Variants in PTPRC observed in about 807,000 individuals in gnomAD.
PTPRC encodes protein tyrosine phosphatase receptor type C.
PTPRC carries 44 observed loss-of-function variants against 155.9 expected under a neutral mutation model. That is an observed-to-expected ratio of 0.28 (90% CI 0.22 to 0.36). The LOEUF (loss-of-function observed/expected upper bound fraction) is 0.36. Among genes scored for constraint, PTPRC ranks in the 10% least tolerant of loss-of-function variants. PTPRC has a pLI of 1.00. For synonymous variants in PTPRC, 525 were observed against 533.1 expected (o/e 0.98, Z 0.21); for missense variants, 1,401 against 1,564.6 (o/e 0.90, Z 1.76).
At position 198,699,451 on chromosome 1, in the gene PTPRC, T is replaced by A. The variant is rs1666357218; in HGVS notation, c.299-113T>A. ...GACAGACACATTTTAACAGATTCAG[T>A]TACTTCACAGTTTGGTAAACTATAA... On this transcript the variant is annotated intron_variant, in intron 4 of 32. Coordinates refer to ENST00000442510, the MANE Select transcript of PTPRC (RefSeq NM_002838.5). 3.9e-6 allele frequency: 5 copies of A among 1,266,302 alleles called. No individual in the cohort carries two copies. In the South Asian group the frequency reaches 6.1e-5, roughly 15 times the overall value. 78.4% of individuals were successfully genotyped at this position (1,266,302 alleles called of 1,614,324 possible).
chr1:198,753,043 A>G (rs558522071), intron 31 of PTPRC, among the ~76,000 whole-genome samples: 5 of 152,162 alleles, frequency 3.3e-5, no homozygotes, highest in Non-Finnish European at 5.9e-5. Flanking sequence ...ACATTGAGCC[A>G]GGAATGTCAT....
intron 2 of PTPRC, among the ~76,000 whole-genome samples, chr1:198,648,890 A>G (rs781082382): frequency 6.6e-6 from 1 of 151,848 alleles, no homozygotes; most frequent in Non-Finnish European, 1.5e-5. Flanking sequence ...AGTGAAAAAC[A>G]TTAAATAATT....
At chr1:198,673,800 G>A (rs1443356343) in intron 2 of PTPRC, among the ~76,000 whole-genome samples, 1 of 152,102 alleles carries the variant, frequency 6.6e-6, no homozygotes, top group Non-Finnish European at 1.5e-5. Context: ...GGTAGAATAA[G>A]CCTTTTGGTT....
rs1655541912 is a variant in PTPRC at position 198,754,587 on chromosome 1, A to C, written c.3645+183A>C. 3 of 722,430 alleles carry C rather than the reference A, an allele frequency of 4.2e-6. No individual in the cohort carries two copies. The South Asian group carries it at 5.8e-5, about 14-fold the overall frequency. The allele number at this position is 722,430 out of a possible 1,614,324, so 44.8% of individuals were successfully genotyped here. On this transcript the variant is annotated intron_variant, in intron 32 of 32. Coordinates refer to ENST00000442510, the MANE Select transcript of PTPRC (RefSeq NM_002838.5). ...TACTTTTACATGATAATTCACATTA[A>C]ATTATTATAAGTCTAAATAAGAGCC...
At chr1:198,674,175 A>G (rs536620769) in intron 2 of PTPRC, among the ~76,000 whole-genome samples, 275 of 152,266 alleles carry the variant, frequency 1.8e-3, no homozygotes, top group Non-Finnish European at 3.3e-3. Context: ...GCTTAGAGGT[A>G]GTGCCTCCTT....
At chr1:198,655,932 AC>A (rs769278359) in intron 2 of PTPRC, among the ~76,000 whole-genome samples, 73 of 152,058 alleles carry the variant, frequency 4.8e-4, no homozygotes, top group South Asian at 1.2e-3. Context: ...GCTATTCTAG[AC>A]CAGTTGGTTA....
At chr1:198,752,843 T>A in intron 31 of PTPRC, 71 bp downstream of exon 31, 2 of 1,516,356 alleles carry the variant, frequency 1.3e-6, no homozygotes, top group East Asian at 4.5e-5. Flanking sequence ...TGTTGTCTTA[T>A]CTAGTTATCC....
chr1:198,666,835 A>G (rs373841252), intron 2 of PTPRC, among the ~76,000 whole-genome samples: 1 of 152,214 alleles, frequency 6.6e-6, no homozygotes, highest in Non-Finnish European at 1.5e-5. Context: ...TACCTCAGTC[A>G]TGACCTTGTA....
chr1:198,731,173 A>G (rs1654369777), intron 17 of PTPRC, among the ~76,000 whole-genome samples: 1 of 152,120 alleles, frequency 6.6e-6, no homozygotes, highest in Admixed American at 6.6e-5. Flanking sequence ...AAGCTGAGTC[A>G]TGGGTATAAG....
intron 27 of PTPRC, among the ~76,000 whole-genome samples, chr1:198,749,199 T>G (rs1397442021): frequency 2.0e-5 from 3 of 151,804 alleles, no homozygotes; most frequent in Non-Finnish European, 4.4e-5. Context: ...TGGAATTATG[T>G]TCCATGTTTT....
At chr1:198,651,109 G>C (rs962579089) in intron 2 of PTPRC, among the ~76,000 whole-genome samples, 3 of 151,554 alleles carry the variant, frequency 2.0e-5, no homozygotes, top group Admixed American at 6.6e-5. Context: ...AAAAGAAAGA[G>C]GTACATCTTA....
intron 8 of PTPRC, among the ~76,000 whole-genome samples, chr1:198,705,432 C>CTT (rs905823899): frequency 3.4e-4 from 47 of 139,402 alleles, no homozygotes; most frequent in African/African-American, 8.9e-4. Context: ...TTCTTTCTTT[C>CTT]TTTTTTTTTT....
At chr1:198,655,739 C>T (rs1663529030) in intron 2 of PTPRC, among the ~76,000 whole-genome samples, 1 of 152,016 alleles carries the variant, frequency 6.6e-6, no homozygotes, top group Non-Finnish European at 1.5e-5. Context: ...AGCAACATTC[C>T]TGCCTCTGTA....
chr1:198,741,781 C>T (rs1399764059), intron 23 of PTPRC, 88 bp from the exon 24 acceptor site: 5 of 1,333,506 alleles, frequency 3.7e-6, no homozygotes, highest in Non-Finnish European at 5.3e-6. Context: ...CACGAGGAGA[C>T]TTTGTACTGG....
intron 23 of PTPRC, among the ~76,000 whole-genome samples, chr1:198,737,482 A>G (rs1346976250): frequency 6.6e-6 from 1 of 151,284 alleles, no homozygotes; most frequent in African/African-American, 2.4e-5. Context: ...GGGTACCTGT[A>G]TCAAAAATGA....
chr1:198,639,006 C>T (rs1252787943), upstream of PTPRC: 13 of 453,618 alleles, frequency 2.9e-5, no homozygotes, highest in South Asian at 3.6e-4. Flanking sequence ...AGGACCCTTA[C>T]AGTATTTTTG....
chr1:198,722,215 G>A (rs1310801176), intron 14 of PTPRC, among the ~76,000 whole-genome samples: 1 of 150,240 alleles, frequency 6.7e-6, no homozygotes, highest in Non-Finnish European at 1.5e-5. Flanking sequence ...AGTGAGATAA[G>A]ATATCTTTTT....
At chr1:198,665,079 C>CCTTTTTTTTTTTT (rs1557979011) in intron 2 of PTPRC, among the ~76,000 whole-genome samples, 2 of 102,244 alleles carry the variant, frequency 2.0e-5, no homozygotes, top group African/African-American at 3.5e-5. Flanking sequence ...ATCCCGGCAG[C>CCTTTTTTTTTTTT]ATTTTTTTTT....
chr1:198,657,154 A>C lies in PTPRC; in HGVS notation c.73+17813A>C, dbSNP rs538681954. On this transcript the variant is annotated intron_variant, in intron 2 of 32. Coordinates refer to ENST00000442510, the MANE Select transcript of PTPRC (RefSeq NM_002838.5). ...AGCAAAGTTCATTCTGAAATCCAAA[A>C]TATTCACTTACTAGAGCAGAAAAAA... Among the ~76,000 whole-genome samples the C allele has an allele frequency of 6.6e-5, 10 of 152,098 alleles. No homozygotes were observed. In the East Asian group the frequency reaches 1.9e-3, roughly 29 times the overall value.
Sources: gnomAD v4.1 joint callset for allele counts (sites outside exome capture counted in the v4.1 genomes callset) on GRCh38, gnomAD v4.1.1 for gene constraint, MANE v1.5 for transcripts, NCBI Gene and HGNC (gene_info 2026-07-23, HGNC 2026-07-21) for gene names.